KLC2: variants seen among roughly 807,000 people sequenced by gnomAD.
KLC2 encodes kinesin light chain 2.
Under a neutral mutation model 75.1 loss-of-function variants are expected in KLC2, and 35 were observed. The ratio of observed to expected loss-of-function variants is 0.47; its 90% CI spans 0.36 to 0.62. The LOEUF (loss-of-function observed/expected upper bound fraction) is 0.62, where lower values mean the gene tolerates loss of function less well. Ranked by LOEUF, KLC2 falls within the 20% of genes least tolerant of loss-of-function variation. The pLI is 0.00. For synonymous variants in KLC2, 314 were observed against 336.7 expected, an observed-to-expected ratio of 0.93 and a Z score of 0.74; for missense variants, 611 against 833.2, an observed-to-expected ratio of 0.73 and a Z score of 3.28.
rs1328385002 is a variant in KLC2, at chr11:66,261,813, G to C, written c.300G>C (p.Arg100=). The C allele has an allele frequency of 3.7e-6, 6 of 1,613,230 alleles. No homozygotes were observed. Among genetic ancestry groups the C allele is most frequent in the Middle Eastern group, 1.9e-4 (1 of 5,390 alleles). ...AGCAGAAGCTGCGGGCGCAGGTGCG[G>C]CGTCTGGTGCAGGAGAACCAGTGGC... ...SEKQKLRAQV[R]RLVQENQWLR... The change falls in exon 3 of 16, where the codon CGG becomes CGC. Residue 100 remains arginine, a synonymous_variant. Coordinates refer to ENST00000394067, the MANE Select transcript of KLC2 (RefSeq NM_001318734.2).
At chr11:66,245,761 A>T in the KLC2 span, among the ~76,000 whole-genome samples, 1 of 151,934 alleles carries the variant, frequency 6.6e-6, no homozygotes, top group Non-Finnish European at 1.5e-5. Context: ...ATGTGCCTGT[A>T]ATCTCAGCTA....
At chr11:66,245,400 G>A in the KLC2 span, among the ~76,000 whole-genome samples, 15 of 152,280 alleles carry the variant, frequency 9.9e-5, no homozygotes, top group African/African-American at 3.6e-4. Flanking sequence ...GGGCAATGTG[G>A]CGAAACCCCG....
At chr11:66,258,519 T>A in intron 1 of KLC2, 65 bp from the exon 2 acceptor site, 1 of 1,129,104 alleles carries the variant, frequency 8.9e-7, no homozygotes, top group Non-Finnish European at 1.3e-6. Flanking sequence ...GTTTACCTAA[T>A]CCGGGGCGGA....
intron 14 of KLC2, 80 bp from the exon 15 acceptor site, chr11:66,266,353 C>T: frequency 7.4e-7 from 1 of 1,353,308 alleles, no homozygotes; most frequent in Non-Finnish European, 1.0e-6. Flanking sequence ...TCTGTTCCCT[C>T]CCCAGCCCCA....
At chr11:66,266,367 T>G in intron 14 of KLC2, 66 bp from the exon 15 acceptor site, 12 of 844,790 alleles carry the variant, frequency 1.4e-5, no homozygotes, top group Non-Finnish European at 2.3e-5. Context: ...AGCCCCACCC[T>G]TCTCCCTGCC....
chr11:66,259,535 C>G (rs968693316), intron 2 of KLC2: 1 of 152,238 alleles, frequency 6.6e-6, no homozygotes, highest in Non-Finnish European at 1.5e-5. Flanking sequence ...ACAGAAGAGG[C>G]CTGGGGAGAA....
upstream of KLC2, among the ~76,000 whole-genome samples, chr11:66,252,296 TG>T (rs1329092315): frequency 6.6e-6 from 1 of 151,588 alleles, no homozygotes; most frequent in Non-Finnish European, 1.5e-5. Context: ...TGTTTGTTTT[TG>T]GTTTTTGAGA....
the KLC2 span, among the ~76,000 whole-genome samples, chr11:66,248,775 C>T: frequency 6.6e-6 from 1 of 151,944 alleles, no homozygotes; most frequent in Admixed American, 6.6e-5. Flanking sequence ...CTCTGTTGCC[C>T]AGGCTGGAGT....
chr11:66,267,393 C>G lies in KLC2; in HGVS notation c.*437C>G, dbSNP rs979179886. 1.4e-6 allele frequency: 1 copy of G among 718,828 alleles called. No individual in the cohort carries two copies. The highest frequency in any genetic ancestry group is 1.7e-5 in the African/African-American group (1 of 57,268). The allele number at this position is 718,828 out of a possible 1,614,324, so 44.5% of individuals were successfully genotyped here. On this transcript the variant is annotated 3_prime_UTR_variant, in exon 16 of 16. Transcript: ENST00000394067. ...CCTCCCTTCAGTCCACGGTACTACC[C>G]GGGCCTCCCCTCGTCCCTCTTCTAG... is the stretch of plus-strand genomic sequence containing the variant.
At chr11:66,247,482 T>A in the KLC2 span, among the ~76,000 whole-genome samples, 1 of 152,164 alleles carries the variant, frequency 6.6e-6, no homozygotes, top group Non-Finnish European at 1.5e-5. Flanking sequence ...TCAACATTCC[T>A]CAAACACCAC....
At chr11:66,263,108 G>A in intron 5 of KLC2, 72 bp downstream of exon 5, 2 of 1,175,898 alleles carry the variant, frequency 1.7e-6, no homozygotes, top group Admixed American at 2.0e-5. Context: ...CTTGGTGCCT[G>A]CTGTGGGCCA....
intron 2 of KLC2, among the ~76,000 whole-genome samples, chr11:66,260,020 G>A (rs1302591642): frequency 6.6e-6 from 1 of 152,210 alleles, no homozygotes; most frequent in African/African-American, 2.4e-5. Context: ...GGATGTACAA[G>A]GAGTTAGACT....
chr11:66,266,376 C>A, intron 14 of KLC2, 57 bp from the exon 15 acceptor site: 3 of 1,506,006 alleles, frequency 2.0e-6, no homozygotes, highest in Non-Finnish European at 1.8e-6. Flanking sequence ...CTTCTCCCTG[C>A]CCCCATCTCC....
intron 5 of KLC2, 140 bp downstream of exon 5, chr11:66,263,176 G>T: frequency 3.1e-6 from 2 of 641,750 alleles, no homozygotes; most frequent in South Asian, 3.8e-5. Context: ...ACTGTCTAGT[G>T]TAAGAGAGAG....
rs150052320 is a variant in KLC2 at position 66,261,916 on chromosome 11, C to G, written c.403C>G (p.Gln135Glu). 2.8e-5 allele frequency: 45 copies of G among 1,614,184 alleles called. No individual in the cohort carries two copies. In the African/African-American group the frequency reaches 5.2e-4, roughly 19 times the overall value. ...QAVAQLEEEK[Q>E]HLLFMSQIRK... is the part of the protein sequence containing the mutation. ...CGTGGCCCAGCTCGAGGAGGAGAAGCAGCACTTGCTGTTCATGAGCCAGAT... is the reference window on the plus strand; with the variant it reads ...CGTGGCCCAGCTCGAGGAGGAGAAGGAGCACTTGCTGTTCATGAGCCAGAT... Residue 135 changes from glutamine to glutamate, a missense_variant, in exon 3 of 16, where the codon CAG becomes GAG. Gln to Glu is a conservative substitution (Grantham distance 29, BLOSUM62 2). Coordinates refer to ENST00000394067, the MANE Select transcript of KLC2 (RefSeq NM_001318734.2).
In KLC2 at chr11:66,266,202, A is replaced by G; in HGVS notation, c.1712A>G (p.Glu571Gly). The G allele has an allele frequency of 1.9e-6, 3 of 1,607,298 alleles. No individual in the cohort carries two copies. Among genetic ancestry groups the G allele is most frequent in the Non-Finnish European group, 2.5e-6 (3 of 1,176,680 alleles). The part of the protein sequence containing the change: ...VKKLQGGTPQ[E>G]PPNPRMKRAS... ...AAGCTGCAGGGGGGCACCCCCCAGG[A>G]GCCCCCTAACCCCAGGTGAGCCCCC... Residue 571 changes from glutamate to glycine, a missense_variant, in exon 14 of 16, where the codon GAG (glutamate) becomes GGG (glycine). Physicochemically the swap from Glu to Gly is moderately conservative, Grantham distance 98. Transcript: ENST00000394067.
intron 15 of KLC2, 64 bp downstream of exon 15, chr11:66,266,554 G>T: frequency 6.7e-7 from 1 of 1,482,666 alleles, no homozygotes; most frequent in South Asian, 1.1e-5. Context: ...GTGCTGCCAA[G>T]CTTCCCTCCA....
chr11:66,258,363 C>A, intron 1 of KLC2: 1 of 562,878 alleles, frequency 1.8e-6, no homozygotes, highest in South Asian at 2.1e-5. Flanking sequence ...TGGTCTGGGG[C>A]CGAAGCAGGA....
Position 66,265,904 on chromosome 11 carries a change from C to T in KLC2, c.1494C>T (p.Gly498=). The T allele has an allele frequency of 6.3e-7, 1 of 1,581,778 alleles. No homozygotes were observed. The highest frequency in any genetic ancestry group is 8.6e-7 in the Non-Finnish European group (1 of 1,161,128). ...AGGTGGTAGAACTGCTGAAAGATGG[C>T]AGTGGCAGGCGGGGAGACCGCCGCA... ...QTKVVELLKD[G]SGRRGDRRSS... The change falls in exon 13 of 16, where the codon GGC becomes GGT. Residue 498 remains glycine (G), a synonymous_variant. Transcript: ENST00000394067.
Sources: allele counts gnomAD v4.1 joint callset (sites outside exome capture counted in the v4.1 genomes callset), GRCh38; gene constraint gnomAD v4.1.1; transcripts MANE v1.5; gene names NCBI Gene and HGNC (gene_info 2026-07-23, HGNC 2026-07-21).